PRKX: variants seen among roughly 807,000 people sequenced by gnomAD.
PRKX encodes protein kinase cAMP-dependent X-linked catalytic subunit, also known as cAMP-dependent protein kinase catalytic subunit PRKX.
Under a neutral mutation model 22.0 loss-of-function variants are expected in PRKX, and 12 were observed. The observed-to-expected ratio is 0.54, with a 90% CI of 0.35 to 0.88. PRKX has a LOEUF of 0.88. PRKX is among the 40% of genes least tolerant of loss of function. PRKX has a pLI of 0.01. For missense variants in PRKX, 217 were observed against 308.0 expected (o/e 0.70, Z 2.21); for synonymous variants, 134 against 137.7 (o/e 0.97, Z 0.19).
intron 3 of PRKX, among the ~76,000 whole-genome samples, chrX:3,650,051 G>C (rs1281826873): frequency 9.1e-6 from 1 of 110,014 alleles, no homozygotes; most frequent in Non-Finnish European, 1.9e-5. Flanking sequence ...AGAGACAGGA[G>C]GATTGCTTGA....
chrX:3,645,686 G>A lies in PRKX; in HGVS notation c.600-3715C>T, dbSNP rs372350171. ...AGTGGCTCATGCCTATAATCTCAAC[G>A]CTTTGGGAGGCCAAGGTGGGAGGAT... On this transcript the variant is annotated intron_variant, in intron 3 of 8. Transcript: ENST00000262848. Among the ~76,000 whole-genome samples the A allele has an allele frequency of 4.4e-5, 5 of 112,374 alleles. No homozygotes were observed. The East Asian group carries it at 8.5e-4, about 19-fold the overall frequency.
intron 6 of PRKX, among the ~76,000 whole-genome samples, chrX:3,619,602 G>T (rs1459280031): frequency 9.2e-6 from 1 of 108,937 alleles, no homozygotes; most frequent in East Asian, 2.9e-4. Context: ...AGACTGGAGT[G>T]ATGCGGCCAT....
chrX:3,611,682 C>T (rs986189965), intron 8 of PRKX, among the ~76,000 whole-genome samples: 6 of 111,704 alleles, frequency 5.4e-5, no homozygotes, highest in African/African-American at 1.9e-4. Context: ...TTCAAAGGCT[C>T]AAAGAAGTAA....
chrX:3,700,353 T>C (rs1400500699), intron 1 of PRKX, among the ~76,000 whole-genome samples: 1 of 111,986 alleles, frequency 8.9e-6, no homozygotes, highest in African/African-American at 3.2e-5. Context: ...CCCTAAGCTG[T>C]TTCTTTGCAA....
intron 8 of PRKX, chrX:3,610,987 C>T (rs1249368662): frequency 9.0e-6 from 1 of 111,400 alleles, no homozygotes; most frequent in African/African-American, 3.3e-5. Flanking sequence ...ATTTCATGAG[C>T]GTTTATGAAG....
intron 3 of PRKX, among the ~76,000 whole-genome samples, chrX:3,644,921 G>A (rs745406685): frequency 1.8e-5 from 2 of 111,443 alleles, no homozygotes; most frequent in African/African-American, 3.3e-5. Context: ...TTTTGGCTCC[G>A]TGTTAGGGTA....
intron 1 of PRKX, among the ~76,000 whole-genome samples, chrX:3,690,376 T>C (rs1379005631): frequency 8.9e-6 from 1 of 112,282 alleles, no homozygotes; most frequent in African/African-American, 3.2e-5. Context: ...ATTTAAAAGA[T>C]GCAGATGTTT....
At chrX:3,622,114 A>G (rs1343959405) in intron 5 of PRKX, among the ~76,000 whole-genome samples, 3 of 110,493 alleles carry the variant, frequency 2.7e-5, no homozygotes, top group Admixed American at 9.7e-5. Context: ...ACTGCACTCC[A>G]GTCTGGGTGA....
intron 8 of PRKX, among the ~76,000 whole-genome samples, chrX:3,610,151 G>A (rs1277023044): frequency 1.8e-5 from 2 of 111,993 alleles, no homozygotes; most frequent in Non-Finnish European, 3.8e-5. Flanking sequence ...TGTTTGGTGT[G>A]CAAATTACTT....
At chrX:3,612,411 T>C (rs1926316473) in intron 7 of PRKX, 86 bp from the exon 8 acceptor site, 1 of 989,656 alleles carries the variant, frequency 1.0e-6, no homozygotes, top group African/African-American at 1.9e-5. Context: ...TTTCTGTCAC[T>C]GTACCTAAAA....
In PRKX at chrX:3,662,998, T is replaced by TAAAAAA. The variant is rs56411206; in HGVS notation, c.336-7592_336-7587dup. ...GGGCAACAGAGAAAGGCCCTGTCTTTAAAAAAAAAAAAAAAAAAAAAATTA... is the reference window on the plus strand; with the variant it reads ...GGGCAACAGAGAAAGGCCCTGTCTTTAAAAAAAAAAAAAAAAAAAAAAAAAAAATTA... On this transcript the variant is annotated intron_variant, in intron 2 of 8. Transcript: ENST00000262848. Among the ~76,000 whole-genome samples, 19 of 78,486 alleles carry TAAAAAA rather than the reference T, an allele frequency of 2.4e-4. 1 individual carries two copies. Among genetic ancestry groups the TAAAAAA allele is most frequent in the Non-Finnish European group, 4.4e-4 (18 of 41,321 alleles). The allele number at this position is 78,486 out of a possible 115,157, so 68.2% of individuals were successfully genotyped here.
chrX:3,613,662 T>C (rs1035076366), intron 7 of PRKX, among the ~76,000 whole-genome samples: 3 of 107,170 alleles, frequency 2.8e-5, no homozygotes, highest in Non-Finnish European at 5.8e-5. Context: ...CTGGCCAACA[T>C]AGTGAAACCC....
At chrX:3,679,842 A>C (rs1436139860) in intron 1 of PRKX, among the ~76,000 whole-genome samples, 2 of 112,075 alleles carry the variant, frequency 1.8e-5, no homozygotes, top group African/African-American at 6.5e-5. Flanking sequence ...GGTGCAATAC[A>C]GTGGGCTTTT....
chrX:3,654,165 A>G (rs1428969191), intron 3 of PRKX, among the ~76,000 whole-genome samples: 1 of 91,803 alleles, frequency 1.1e-5, no homozygotes, highest in African/African-American at 4.1e-5. Context: ...TGATATAGGT[A>G]TGCTATATAA....
Position 3,605,786 on chromosome X carries a change from C to T in PRKX, c.*3183G>A, listed in dbSNP as rs1472164521. The T allele has an allele frequency of 8.9e-6, 1 of 112,035 alleles. No homozygotes were observed. Among genetic ancestry groups the T allele is most frequent in the Non-Finnish European group, 1.9e-5 (1 of 53,241 alleles). 9.2% of individuals were successfully genotyped at this position (112,035 alleles called of 1,213,427 possible). The stretch of plus-strand genomic sequence containing the variant: ...TGATGGGCATGGAGAGGGAGTGGGG[C>T]TGAACTGCATTTTGAGGGGATGAAG... On this transcript the variant is annotated 3_prime_UTR_variant, in exon 9 of 9. Transcript: ENST00000262848.
intron 4 of PRKX, among the ~76,000 whole-genome samples, chrX:3,636,473 C>T (rs1926888841): frequency 8.9e-6 from 1 of 112,870 alleles, no homozygotes; most frequent in Non-Finnish European, 1.9e-5. Flanking sequence ...ATGGGCTGGT[C>T]GGACAGGGCA....
intron 6 of PRKX, among the ~76,000 whole-genome samples, chrX:3,618,427 G>A (rs1009838884): frequency 1.9e-5 from 2 of 107,304 alleles, no homozygotes; most frequent in Non-Finnish European, 3.8e-5. Context: ...AGACCAGCCT[G>A]GGCAACACAT....
intron 1 of PRKX, among the ~76,000 whole-genome samples, chrX:3,700,462 C>G (rs766861961): frequency 1.2e-4 from 13 of 112,270 alleles, no homozygotes; most frequent in African/African-American, 2.9e-4. Context: ...AAAATCACGT[C>G]CAACAACAAC....
At chrX:3,644,045 G>A (rs1229443508) in intron 3 of PRKX, among the ~76,000 whole-genome samples, 1 of 109,421 alleles carries the variant, frequency 9.1e-6, no homozygotes, top group African/African-American at 3.3e-5. Flanking sequence ...TAAGCCCTTG[G>A]GATAACAACA....
Sources: allele counts gnomAD v4.1 joint callset (sites outside exome capture counted in the v4.1 genomes callset), GRCh38; gene constraint gnomAD v4.1.1; transcripts MANE v1.5; gene names NCBI Gene and HGNC (gene_info 2026-07-23, HGNC 2026-07-21).